The following MACROD2 variants were observed in gnomAD, a reference collection of about 807,000 sequenced individuals.
MACROD2 encodes the protein mono-ADP ribosylhydrolase 2.
Under a neutral mutation model 70.4 loss-of-function variants are expected in MACROD2, and 36 were observed. That is an observed-to-expected ratio of 0.51 (90% CI 0.39 to 0.68). MACROD2 has a LOEUF of 0.68. Among genes scored for constraint, MACROD2 ranks in the 30% least tolerant of loss-of-function variants. The pLI is 0.00. For missense variants in MACROD2, 496 were observed against 538.4 expected (o/e 0.92, Z 0.78); for synonymous variants, 172 against 178.8 (o/e 0.96, Z 0.30).
At chr20:14,151,542 C>T (rs1430164365) in intron 3 of MACROD2, among the ~76,000 whole-genome samples, 1 of 152,106 alleles carries the variant, frequency 6.6e-6, no homozygotes, top group African/African-American at 2.4e-5. Flanking sequence ...CTGTGCCTTC[C>T]CCCTCTGATC....
Position 15,576,790 on chromosome 20 carries a change from C to T in MACROD2, c.645+76943C>T, listed in dbSNP as rs140372105. Among the ~76,000 whole-genome samples, 17 of 152,192 alleles carry T rather than the reference C, an allele frequency of 1.1e-4. No individual in the cohort carries two copies. In the East Asian group the frequency reaches 3.3e-3, roughly 29 times the overall value. ...CTCTAAGAAAATATTTATTTTTTCC[C>T]AATTAATCCACACTCAATAATTTCC... On this transcript the variant is annotated intron_variant, in intron 8 of 17. Transcript: ENST00000684519.
chr20:15,975,105 A>G (rs1393100878), intron 13 of MACROD2, among the ~76,000 whole-genome samples: 1 of 152,180 alleles, frequency 6.6e-6, no homozygotes, highest in African/African-American at 2.4e-5. Context: ...AGACTCCATT[A>G]TAATTCACAA....
At chr20:15,728,691 T>A (rs1478685516) in intron 8 of MACROD2, among the ~76,000 whole-genome samples, 1 of 152,144 alleles carries the variant, frequency 6.6e-6, no homozygotes, top group African/African-American at 2.4e-5. Context: ...TGCATAGAGG[T>A]GTTTGTAGTC....
At chr20:15,189,204 C>T (rs1047062425) in intron 5 of MACROD2, among the ~76,000 whole-genome samples, 17 of 151,810 alleles carry the variant, frequency 1.1e-4, no homozygotes, top group Admixed American at 6.6e-4. Flanking sequence ...CAGGCTGAGT[C>T]CCTGCATGAC....
In MACROD2 at chr20:15,987,134, C is replaced by T; in HGVS notation, c.1129C>T (p.Gln377Ter). The stretch of plus-strand genomic sequence containing the variant: ...AGAAGTGATTCCATTAACAGAGGAC[C>T]AAGAAGAAAAAGAAGGTGAAAAAGG... Reference protein sequence around the residue: ...QPEVIPLTEDQEEKEGEKAPG... With the variant: ...QPEVIPLTED The change falls in exon 15 of 18, where the codon CAA (glutamine) becomes TAA (stop). Residue 377 changes from glutamine (Q) to a stop codon, truncating the protein, a stop_gained. Coordinates refer to ENST00000684519, the MANE Select transcript of MACROD2 (RefSeq NM_001351661.2). LOFTEE classifies it high-confidence loss of function. 2 of 1,610,080 alleles carry T rather than the reference C, an allele frequency of 1.2e-6. No individual in the cohort carries two copies. The highest frequency in any genetic ancestry group is 1.7e-6 in the Non-Finnish European group (2 of 1,179,082).
chr20:15,775,020 AGGGT>A (rs1431243163), intron 8 of MACROD2, among the ~76,000 whole-genome samples: 1 of 152,116 alleles, frequency 6.6e-6, no homozygotes, highest in African/African-American at 2.4e-5. Flanking sequence ...TGCAGCTTGC[AGGGT>A]GGCCATTCTG....
intron 5 of MACROD2, among the ~76,000 whole-genome samples, chr20:14,901,943 AG>A (rs2073899535): frequency 6.6e-6 from 1 of 152,154 alleles, no homozygotes; most frequent in African/African-American, 2.4e-5. Context: ...GTAATCTTGA[AG>A]TCTATGTCAA....
At chr20:14,570,139 G>T (rs1466485980) in intron 4 of MACROD2, among the ~76,000 whole-genome samples, 7 of 151,990 alleles carry the variant, frequency 4.6e-5, no homozygotes, top group Admixed American at 4.6e-4. Flanking sequence ...ATTAATTGTG[G>T]TACACTATTA....
intron 3 of MACROD2, among the ~76,000 whole-genome samples, chr20:14,490,788 C>CT (rs2123099610): frequency 6.6e-6 from 1 of 152,220 alleles, no homozygotes; most frequent in East Asian, 1.9e-4. Flanking sequence ...TCCAAATAAG[C>CT]TTTAAGAGTT....
chr20:14,062,009 C>G (rs2053696259), intron 2 of MACROD2, among the ~76,000 whole-genome samples: 1 of 152,042 alleles, frequency 6.6e-6, no homozygotes, highest in African/African-American at 2.4e-5. Context: ...ACACTTGAAA[C>G]TATTTTAGAG....
At chr20:14,878,027 A>G (rs1400273380) in intron 5 of MACROD2, among the ~76,000 whole-genome samples, 1 of 152,016 alleles carries the variant, frequency 6.6e-6, no homozygotes, top group African/African-American at 2.4e-5. Context: ...TCAAGTTTTT[A>G]GAATAGTTAC....
intron 4 of MACROD2, among the ~76,000 whole-genome samples, chr20:14,590,044 GT>G (rs1479331973): frequency 1.3e-5 from 2 of 151,980 alleles, no homozygotes; most frequent in African/African-American, 2.4e-5. Context: ...ATATTAGACA[GT>G]TTTTTCTCTC....
chr20:14,485,855 T>TA (rs1243961062), intron 3 of MACROD2, among the ~76,000 whole-genome samples: 2 of 151,906 alleles, frequency 1.3e-5, no homozygotes, highest in Non-Finnish European at 2.9e-5. Flanking sequence ...TTATTATACT[T>TA]ACATGTTTTA....
At chr20:15,183,573 C>T (rs1222390017) in intron 5 of MACROD2, among the ~76,000 whole-genome samples, 2 of 152,178 alleles carry the variant, frequency 1.3e-5, no homozygotes, top group Non-Finnish European at 2.9e-5. Context: ...TTTCCCCATG[C>T]CCCATACCTC....
chr20:15,656,900 A>C lies in MACROD2; in HGVS notation c.645+157053A>C, dbSNP rs147591527. 8.9e-3 allele frequency among the ~76,000 whole-genome samples: 1,351 copies of C among 152,326 alleles called. 16 individuals carry two copies. The highest frequency in any genetic ancestry group is 0.027 in the Middle Eastern group (8 of 294). ...AGACCATAAAAGTATTAGAAAAAAAAAGAAGGAATAATTTATTAAAAGTTT... is the reference window on the plus strand; with the variant it reads ...AGACCATAAAAGTATTAGAAAAAAACAGAAGGAATAATTTATTAAAAGTTT... On this transcript the variant is annotated intron_variant, in intron 8 of 17. Transcript: ENST00000684519.
chr20:14,156,207 C>T (rs1035581121), intron 3 of MACROD2, among the ~76,000 whole-genome samples: 2 of 152,142 alleles, frequency 1.3e-5, no homozygotes, highest in African/African-American at 4.8e-5. Context: ...TTATGATCAT[C>T]TCTGTTTTTA....
chr20:15,774,184 G>T (rs2051682979), intron 8 of MACROD2, among the ~76,000 whole-genome samples: 1 of 152,104 alleles, frequency 6.6e-6, no homozygotes, highest in South Asian at 2.1e-4. Context: ...TGGTTTTGGG[G>T]AGTTTTAATG....
chr20:15,184,085 C>T (rs973105936), intron 5 of MACROD2, among the ~76,000 whole-genome samples: 1 of 151,788 alleles, frequency 6.6e-6, no homozygotes, highest in South Asian at 2.1e-4. Context: ...TTTCAAGGAA[C>T]CCTCCCCTTT....
At chr20:15,924,152 T>G (rs1294438344) in intron 10 of MACROD2, among the ~76,000 whole-genome samples, 1 of 152,204 alleles carries the variant, frequency 6.6e-6, no homozygotes, top group African/African-American at 2.4e-5. Context: ...TTCCTACTAC[T>G]TGAAATAGCA....
Sources: allele counts gnomAD v4.1 joint callset (sites outside exome capture counted in the v4.1 genomes callset), GRCh38; gene constraint gnomAD v4.1.1; transcripts MANE v1.5; gene names NCBI Gene and HGNC (gene_info 2026-07-23, HGNC 2026-07-21).